PTPRD: variants seen among roughly 807,000 people sequenced by gnomAD.
PTPRD encodes receptor-type tyrosine-protein phosphatase delta.
Under a neutral mutation model 214.5 loss-of-function variants are expected in PTPRD, and 34 were observed. The ratio of observed to expected loss-of-function variants is 0.16; its 90% CI spans 0.12 to 0.21. The LOEUF (loss-of-function observed/expected upper bound fraction) is 0.21, where lower values mean the gene tolerates loss of function less well. PTPRD is among the 10% of genes least tolerant of loss of function. The pLI is 1.00. For synonymous variants in PTPRD, 1,128 were observed against 845.7 expected, an observed-to-expected ratio of 1.33 and a Z score of -5.79; for missense variants, 2,545 against 2,398.7, an observed-to-expected ratio of 1.06 and a Z score of -1.27.
chr9:8,841,998 G>A (rs887248149), intron 11 of PTPRD, among the ~76,000 whole-genome samples: 48 of 118,166 alleles, frequency 4.1e-4, no homozygotes, highest in African/African-American at 6.6e-4. Flanking sequence ...GCAATAGAGC[G>A]AGACACAGTC....
In PTPRD at chr9:8,485,763, T is replaced by C; in HGVS notation, c.3054A>G (p.Gln1018=). The C allele has an allele frequency of 6.2e-7, 1 of 1,609,164 alleles. No homozygotes were observed. Residue 1018 remains glutamine, a splice_region_variant and synonymous_variant, in exon 28 of 46, where the codon CAA becomes CAG. Transcript: ENST00000381196. ...AGGCCGTAAGCAGACAAATCCTACC[T>C]TGATCCACAGGCAGTGTCCTGAACT... ...SVQFRTLPVD[Q]VFAKNFHVKA...
At chr9:10,235,862 C>G (rs1020165407) in intron 3 of PTPRD, among the ~76,000 whole-genome samples, 70 of 151,960 alleles carry the variant, frequency 4.6e-4, no homozygotes, top group African/African-American at 1.6e-3. Context: ...TATTAGTAGA[C>G]TGTCTCGCAT....
chr9:10,102,484 T>A (rs413144), intron 3 of PTPRD, among the ~76,000 whole-genome samples: 61,324 of 151,308 alleles, frequency 0.41, 13,295 homozygotes, highest in East Asian at 0.53. Context: ...TGCCTATTAA[T>A]CTCAGATAAA....
At chr9:9,318,657 G>T (rs1285586241) in intron 9 of PTPRD, among the ~76,000 whole-genome samples, 1 of 152,026 alleles carries the variant, frequency 6.6e-6, no homozygotes, top group African/African-American at 2.4e-5. Flanking sequence ...CAAATTTCAG[G>T]ATTTGATAAA....
chr9:9,792,752 A>G (rs2098976413), intron 5 of PTPRD, among the ~76,000 whole-genome samples: 1 of 152,190 alleles, frequency 6.6e-6, no homozygotes, highest in Admixed American at 6.5e-5. Flanking sequence ...TTAGCAACAG[A>G]GGATTTTCTC....
chr9:9,049,596 G>C (rs1160396119), intron 10 of PTPRD, among the ~76,000 whole-genome samples: 1 of 152,026 alleles, frequency 6.6e-6, no homozygotes. Flanking sequence ...TTAGCAAAAC[G>C]TTCCGATGTT....
intron 7 of PTPRD, among the ~76,000 whole-genome samples, chr9:9,616,909 G>C (rs994141603): frequency 1.1e-4 from 16 of 152,216 alleles, no homozygotes; most frequent in Admixed American, 7.9e-4. Flanking sequence ...TTTTGCATTT[G>C]CTGAGGAGTG....
intron 3 of PTPRD, among the ~76,000 whole-genome samples, chr9:10,268,364 T>C (rs1041676935): frequency 6.6e-6 from 1 of 151,434 alleles, no homozygotes; most frequent in African/African-American, 2.4e-5. Flanking sequence ...GCAGCATTTT[T>C]TATTTGTTAT....
intron 9 of PTPRD, among the ~76,000 whole-genome samples, chr9:9,328,786 A>C (rs1294437008): frequency 6.7e-6 from 1 of 149,812 alleles, no homozygotes; most frequent in African/African-American, 2.4e-5. Context: ...ACAGGTGCCT[A>C]CCACCACATC....
chr9:8,627,670 A>G (rs1267637146), intron 14 of PTPRD, among the ~76,000 whole-genome samples: 1 of 151,756 alleles, frequency 6.6e-6, no homozygotes, highest in African/African-American at 2.4e-5. Context: ...CACCAACATA[A>G]CAGTCCTCAA....
At chr9:8,552,748 G>A (rs1353172777) in intron 14 of PTPRD, among the ~76,000 whole-genome samples, 1 of 152,124 alleles carries the variant, frequency 6.6e-6, no homozygotes, top group East Asian at 1.9e-4. Context: ...CCTCTGTGGT[G>A]GATTGATAAT....
chr9:9,607,762 A>G, intron 7 of PTPRD, among the ~76,000 whole-genome samples: 1 of 148,102 alleles, frequency 6.8e-6, no homozygotes, highest in East Asian at 2.0e-4. Context: ...AAAAAAAAAA[A>G]TTCATTGGCA....
intron 3 of PTPRD, among the ~76,000 whole-genome samples, chr9:10,217,486 C>T (rs2099546921): frequency 6.6e-6 from 1 of 151,966 alleles, no homozygotes; most frequent in African/African-American, 2.4e-5. Flanking sequence ...AACCTTTTCT[C>T]AGCATAGTAC....
chr9:10,596,779 A>G (rs917293374), intron 2 of PTPRD, among the ~76,000 whole-genome samples: 1 of 151,568 alleles, frequency 6.6e-6, no homozygotes, highest in Non-Finnish European at 1.5e-5. Flanking sequence ...AGAACTGGCT[A>G]AATTCTAAGG....
intron 5 of PTPRD, among the ~76,000 whole-genome samples, chr9:9,772,050 C>T (rs566204902): frequency 2.0e-5 from 3 of 152,132 alleles, no homozygotes; most frequent in Admixed American, 6.6e-5. Context: ...AGTCCTAACC[C>T]CCAGTACCTC....
chr9:10,361,435 G>A (rs539280544), intron 2 of PTPRD, among the ~76,000 whole-genome samples: 3 of 152,148 alleles, frequency 2.0e-5, no homozygotes, highest in South Asian at 2.1e-4. Context: ...CAAGGGTACA[G>A]GGGTAAGTTA....
intron 2 of PTPRD, among the ~76,000 whole-genome samples, chr9:10,457,468 G>A (rs1483404639): frequency 3.3e-5 from 5 of 151,934 alleles, no homozygotes; most frequent in East Asian, 3.9e-4. Context: ...GTGTCTTCAC[G>A]TGTATTAGTA....
intron 5 of PTPRD, among the ~76,000 whole-genome samples, chr9:9,877,800 C>G (rs150936181): frequency 1.3e-5 from 2 of 151,810 alleles, no homozygotes; most frequent in Non-Finnish European, 2.9e-5. Context: ...CGAGGAGAAA[C>G]CTGTCTCTAC....
At chr9:9,840,895 A>G (rs775311839) in intron 5 of PTPRD, among the ~76,000 whole-genome samples, 2 of 151,080 alleles carry the variant, frequency 1.3e-5, no homozygotes, top group African/African-American at 4.9e-5. Flanking sequence ...AAGGAGTTCA[A>G]TTTTTATATT....
Sources: gnomAD v4.1 joint callset for allele counts (sites outside exome capture counted in the v4.1 genomes callset) on GRCh38, gnomAD v4.1.1 for gene constraint, MANE v1.5 for transcripts, NCBI Gene and HGNC (gene_info 2026-07-23, HGNC 2026-07-21) for gene names.